The following JUP variants were observed in gnomAD, a reference collection of about 807,000 sequenced individuals.
JUP encodes the protein junction plakoglobin.
In JUP, 28 loss-of-function variants were observed where a neutral mutation model predicts 71.1. The ratio of observed to expected loss-of-function variants is 0.39; its 90% confidence interval spans 0.29 to 0.54. The LOEUF (loss-of-function observed/expected upper bound fraction) is 0.54. JUP is among the 20% of genes least tolerant of loss of function. The pLI is 0.62. For missense variants in JUP, 869 were observed against 1,030.1 expected (o/e 0.84, Z 2.14); for synonymous variants, 401 against 438.9 (o/e 0.91, Z 1.08).
chr17:41,755,512 C>T lies in JUP; in HGVS notation c.*232G>A, dbSNP rs1272896122. 6.6e-6 allele frequency: 3 copies of T among 455,150 alleles called. No individual in the cohort carries two copies. The East Asian group carries it at 9.9e-5, about 15-fold the overall frequency. 28.2% of individuals were successfully genotyped at this position (455,150 alleles called of 1,614,324 possible). ...CAGAAGCTCAAGCCACTCCGTGTCA[C>T]CTGCCCACCACCCCCAGAAGGGGCC... On this transcript the variant is annotated 3_prime_UTR_variant, in exon 14 of 14. Coordinates refer to ENST00000393931, the MANE Select transcript of JUP (RefSeq NM_002230.4).
Position 41,771,704 on chromosome 17 carries a change from G to A in JUP, c.151C>T (p.Arg51Cys), listed in dbSNP as rs782254006. 23 of 1,613,970 alleles carry A rather than the reference G, an allele frequency of 1.4e-5. No individual in the cohort carries two copies. Among genetic ancestry groups the A allele is most frequent in the South Asian group, 1.1e-4 (10 of 91,086 alleles). The change falls in exon 2 of 14, where the codon CGC becomes TGC. Residue 51 changes from arginine (R) to cysteine (C), a missense_variant. Coordinates refer to ENST00000393931, the MANE Select transcript of JUP (RefSeq NM_002230.4). ...GIMEEDEACG[R>C]QYTLKKTTTY... Reference sequence around the variant, plus strand: ...GTGGTTTTCTTGAGCGTGTACTGGCGCCCGCAGGCCTCATCCTCCTCCATG... The same window carrying A: ...GTGGTTTTCTTGAGCGTGTACTGGCACCCGCAGGCCTCATCCTCCTCCATG...
In JUP at chr17:41,769,611, C is replaced by T. The variant is rs782737074; in HGVS notation, c.275G>A (p.Gly92Asp). Residue 92 changes from glycine to aspartate, a missense_variant, in exon 3 of 14, where the codon GGT becomes GAT. Coordinates refer to ENST00000393931, the MANE Select transcript of JUP (RefSeq NM_002230.4). ...AAGCGAGCTGTCCTCGCCTGACACA[C>T]CAGGGCACATGGCCTCCCGCACCCG... Reference protein sequence around the residue: ...AKRVREAMCPGVSGEDSSLLL... With the variant: ...AKRVREAMCPDVSGEDSSLLL... 49 of 1,605,746 alleles carry T rather than the reference C, an allele frequency of 3.1e-5. No homozygotes were observed. Among genetic ancestry groups the T allele is most frequent in the South Asian group, 2.9e-4 (26 of 89,296 alleles).
intron 5 of JUP, 102 bp downstream of exon 5, chr17:41,767,277 T>A: frequency 1.1e-6 from 1 of 890,648 alleles, no homozygotes; most frequent in South Asian, 1.4e-5. Context: ...TGCACCTATA[T>A]CTCATCTAAA....
At chr17:41,776,244 G>C (rs1597850185) in intron 1 of JUP, among the ~76,000 whole-genome samples, 3 of 152,272 alleles carry the variant, frequency 2.0e-5, no homozygotes, top group African/African-American at 7.2e-5. Context: ...GGCTCAGACA[G>C]CGACAGGGTG....
chr17:41,764,600 A>C, intron 7 of JUP, 113 bp downstream of exon 7: 2 of 796,128 alleles, frequency 2.5e-6, no homozygotes, highest in East Asian at 2.5e-5. Context: ...AGTCACAAGG[A>C]AGAGAGATTT....
chr17:41,772,185 TCA>T, intron 1 of JUP: 1 of 441,834 alleles, frequency 2.3e-6, no homozygotes, highest in South Asian at 2.0e-5. Flanking sequence ...AAGCCCCTGC[TCA>T]CGCACCTTGC....
chr17:41,784,267 A>G (rs1171745840), intron 1 of JUP, among the ~76,000 whole-genome samples: 1 of 151,074 alleles, frequency 6.6e-6, no homozygotes, highest in Non-Finnish European at 1.5e-5. Context: ...GGCAGCCCAA[A>G]CAGAGGCTCC....
At chr17:41,784,265 A>C (rs1394431584) in intron 1 of JUP, among the ~76,000 whole-genome samples, 1 of 152,096 alleles carries the variant, frequency 6.6e-6, no homozygotes, top group Non-Finnish European at 1.5e-5. Flanking sequence ...CTGGCAGCCC[A>C]AACAGAGGCT....
intron 5 of JUP, among the ~76,000 whole-genome samples, chr17:41,766,899 T>G (rs1330918832): frequency 6.7e-6 from 1 of 149,728 alleles, no homozygotes; most frequent in African/African-American, 2.5e-5. Context: ...AAAAAAAAAT[T>G]AGTCGGGCGT....
chr17:41,757,890 A>C lies in JUP; in HGVS notation c.1774-106T>G, dbSNP rs549877375. The C allele has an allele frequency of 7.2e-6, 7 of 968,904 alleles. No individual in the cohort carries two copies. In the African/African-American group the frequency reaches 1.1e-4, roughly 16 times the overall value. The allele number at this position is 968,904 out of a possible 1,614,324, so 60.0% of individuals were successfully genotyped here. ...CACCTCCACCCTGTAGCAATTCCAT[A>C]GTGGAAAATGGGCCGTCACTGGGGA... On this transcript the variant is annotated intron_variant, in intron 10 of 13. Coordinates refer to ENST00000393931, the MANE Select transcript of JUP (RefSeq NM_002230.4).
chr17:41,766,988 A>G (rs1349287507), intron 5 of JUP, among the ~76,000 whole-genome samples: 2 of 151,548 alleles, frequency 1.3e-5, no homozygotes, highest in Non-Finnish European at 1.5e-5. Flanking sequence ...TCAAGGCTGC[A>G]GTGAGCCCTG....
intron 1 of JUP, among the ~76,000 whole-genome samples, chr17:41,782,576 TC>T (rs1206089735): frequency 6.6e-6 from 1 of 151,928 alleles, no homozygotes; most frequent in African/African-American, 2.4e-5. Context: ...GACCCCTGCC[TC>T]CTCTTTCCCT....
chr17:41,756,636 C>T (rs940534717), intron 12 of JUP, among the ~76,000 whole-genome samples: 1 of 151,726 alleles, frequency 6.6e-6, no homozygotes, highest in Non-Finnish European at 1.5e-5. Context: ...CAGTGGCTCA[C>T]GCCTGTAATC....
At position 41,769,566 on chromosome 17, in the gene JUP, T is replaced by C. The variant is rs1555605850; in HGVS notation, c.320A>G (p.Glu107Gly). The C allele has an allele frequency of 1.2e-6, 2 of 1,607,556 alleles. No individual in the cohort carries two copies. The highest frequency in any genetic ancestry group is 2.2e-5 in the South Asian group (2 of 89,838). Residue 107 changes from glutamate to glycine, a missense_variant, in exon 3 of 14, where the codon GAG (glutamate) becomes GGG (glycine). By Grantham distance (98) the Glu-to-Gly change is moderately conservative. Coordinates refer to ENST00000393931, the MANE Select transcript of JUP (RefSeq NM_002230.4). ...TCGCTGCAGGTTGGTGGCCTGCCCCTCCACCTGGGTGGCCAGCAGAAGCGA... is the reference window on the plus strand; with the variant it reads ...TCGCTGCAGGTTGGTGGCCTGCCCCCCCACCTGGGTGGCCAGCAGAAGCGA... ...DSSLLLATQVEGQATNLQRLA... is the reference protein window; with the variant it reads ...DSSLLLATQVGGQATNLQRLA...
chr17:41,780,802 C>G (rs975983160), intron 1 of JUP, among the ~76,000 whole-genome samples: 1 of 151,606 alleles, frequency 6.6e-6, no homozygotes, highest in Non-Finnish European at 1.5e-5. Flanking sequence ...CCCAGCATGT[C>G]GGGAGGCCAA....
At chr17:41,781,635 C>G (rs1555610306) in intron 1 of JUP, among the ~76,000 whole-genome samples, 1 of 152,194 alleles carries the variant, frequency 6.6e-6, no homozygotes, top group Non-Finnish European at 1.5e-5. Context: ...GGTCACAGGA[C>G]CAGCTCACAG....
intron 1 of JUP, among the ~76,000 whole-genome samples, chr17:41,781,100 G>A (rs527488496): frequency 1.3e-5 from 2 of 150,990 alleles, no homozygotes; most frequent in Middle Eastern, 3.4e-3. Flanking sequence ...AGAATGGTGT[G>A]AACCCAGGGG....
At chr17:41,756,576 G>A (rs184914165) in intron 12 of JUP, among the ~76,000 whole-genome samples, 17 of 148,882 alleles carry the variant, frequency 1.1e-4, no homozygotes, top group Admixed American at 7.4e-4. Flanking sequence ...TCCAGCCTGG[G>A]CGACAGGAGT....
chr17:41,758,651 C>T, intron 9 of JUP, 64 bp downstream of exon 9: 6 of 1,588,260 alleles, frequency 3.8e-6, no homozygotes, highest in Non-Finnish European at 5.1e-6. Context: ...CATTCACACA[C>T]ACACCCACAG....
Sources: allele counts gnomAD v4.1 joint callset (sites outside exome capture counted in the v4.1 genomes callset), GRCh38; gene constraint gnomAD v4.1.1; transcripts MANE v1.5; gene names NCBI Gene and HGNC (gene_info 2026-07-23, HGNC 2026-07-21).